The following ADAMTSL1 variants were observed in gnomAD, a reference collection of about 807,000 sequenced individuals.
ADAMTSL1 encodes the protein ADAMTS-like protein 1.
In ADAMTSL1, 126 loss-of-function variants were observed where a neutral mutation model predicts 201.8. The observed-to-expected ratio is 0.62, with a 90% CI of 0.54 to 0.72. The LOEUF (loss-of-function observed/expected upper bound fraction) is 0.72, where lower values mean the gene tolerates loss of function less well. ADAMTSL1 is among the 30% of genes least tolerant of loss of function. ADAMTSL1 has a pLI of 0.00. For missense variants in ADAMTSL1, 2,679 were observed against 2,277.8 expected, an observed-to-expected ratio of 1.18 and a Z score of -3.59; for synonymous variants, 1,121 against 903.4, an observed-to-expected ratio of 1.24 and a Z score of -4.32.
rs999782210 is a variant in ADAMTSL1, at chr9:18,684,949, T to G, written c.1574+149T>G. ...GGCTCTCAAATTAAAGATTGATTAGTTTCAAAAAGTGTTTGTCAAAGCTGA... is the reference window on the plus strand; with the variant it reads ...GGCTCTCAAATTAAAGATTGATTAGGTTCAAAAAGTGTTTGTCAAAGCTGA... On this transcript the variant is annotated intron_variant, in intron 13 of 28. Transcript: ENST00000380548. 5.0e-6 allele frequency: 7 copies of G among 1,396,784 alleles called. No individual in the cohort carries two copies. The African/African-American group carries it at 1.0e-4, about 20-fold the overall frequency. 86.5% of individuals were successfully genotyped at this position (1,396,784 alleles called of 1,614,324 possible).
intron 1 of ADAMTSL1, among the ~76,000 whole-genome samples, chr9:18,069,804 G>A (rs1415156682): frequency 6.6e-6 from 1 of 152,198 alleles, no homozygotes; most frequent in East Asian, 1.9e-4. Flanking sequence ...AGATCAGGAG[G>A]TCTCTAAACT....
rs1297584488 is a variant in ADAMTSL1, at chr9:18,574,123, G to A, written c.331G>A (p.Val111Met). 1 of 1,614,114 alleles carries A rather than the reference G, an allele frequency of 6.2e-7. No homozygotes were observed. Among genetic ancestry groups the A allele is most frequent in the Admixed American group, 1.7e-5 (1 of 60,018 alleles). Reference sequence around the variant, plus strand: ...TGGCCAGTTTTATGAATGGCTTCCTGTGTCTAATGACCCTGACAACCCATG... The same window carrying A: ...TGGCCAGTTTTATGAATGGCTTCCTATGTCTAATGACCCTGACAACCCATG... ...HHGQFYEWLP[V>M]SNDPDNPCSL... Residue 111 changes from valine to methionine, a missense_variant, in exon 4 of 29, where the codon GTG becomes ATG. By Grantham distance (21) the Val-to-Met change is conservative. Coordinates refer to ENST00000380548, the MANE Select transcript of ADAMTSL1 (RefSeq NM_001040272.6).
intron 1 of ADAMTSL1, among the ~76,000 whole-genome samples, chr9:17,918,260 A>T (rs1356870621): frequency 1.3e-5 from 2 of 151,488 alleles, no homozygotes; most frequent in Admixed American, 1.3e-4. Context: ...GGTATTTTGG[A>T]TTCTCAAACA....
intron 1 of ADAMTSL1, among the ~76,000 whole-genome samples, chr9:18,012,607 G>C (rs1446692421): frequency 3.3e-5 from 5 of 152,050 alleles, no homozygotes; most frequent in African/African-American, 9.7e-5. Context: ...AGATTTGTGT[G>C]AGAATGCTGA....
At chr9:18,718,825 C>G (rs1395533576) in intron 14 of ADAMTSL1, among the ~76,000 whole-genome samples, 1 of 152,264 alleles carries the variant, frequency 6.6e-6, no homozygotes, top group African/African-American at 2.4e-5. Flanking sequence ...CGGTCACTTC[C>G]TGCCTCAGGA....
At chr9:17,975,874 A>G (rs997708602) in intron 1 of ADAMTSL1, among the ~76,000 whole-genome samples, 24 of 151,960 alleles carry the variant, frequency 1.6e-4, no homozygotes, top group African/African-American at 5.8e-4. Flanking sequence ...TTAACTGTTT[A>G]TCTATTTAGA....
At chr9:18,689,033 A>T (rs905784040) in intron 13 of ADAMTSL1, among the ~76,000 whole-genome samples, 8 of 152,016 alleles carry the variant, frequency 5.3e-5, no homozygotes, top group Admixed American at 5.2e-4. Context: ...TGCCAGATTG[A>T]GCCCATCTGG....
At chr9:18,895,807 A>C (rs751321588) in intron 26 of ADAMTSL1, among the ~76,000 whole-genome samples, 1 of 152,222 alleles carries the variant, frequency 6.6e-6, no homozygotes, top group Non-Finnish European at 1.5e-5. Flanking sequence ...CAAATGCCCA[A>C]TTTTCAGCAA....
Position 18,029,000 on chromosome 9 carries a change from G to A in ADAMTSL1, c.87+122078G>A, listed in dbSNP as rs949539448. Among the ~76,000 whole-genome samples, 15 of 152,194 alleles carry A rather than the reference G, an allele frequency of 9.9e-5. 1 individual carries two copies. Among genetic ancestry groups the A allele is most frequent in the Admixed American group, 2.0e-4 (3 of 15,270 alleles). On this transcript the variant is annotated intron_variant, in intron 1 of 29. Transcript: ENST00000680146. Reference sequence around the variant, plus strand: ...ACATCCCTTGTAAGATGGATTCCTAGGTATTTTATTCTCTTTGAAGCAATT... The same window carrying A: ...ACATCCCTTGTAAGATGGATTCCTAAGTATTTTATTCTCTTTGAAGCAATT...
intron 2 of ADAMTSL1, among the ~76,000 whole-genome samples, chr9:18,285,885 T>C (rs1832973100): frequency 6.6e-6 from 1 of 152,210 alleles, no homozygotes; most frequent in Non-Finnish European, 1.5e-5. Flanking sequence ...ATTTAAAGTG[T>C]GCAATTGACT....
intron 20 of ADAMTSL1, among the ~76,000 whole-genome samples, chr9:18,799,956 T>C (rs1418233811): frequency 6.6e-6 from 1 of 152,230 alleles, no homozygotes; most frequent in Non-Finnish European, 1.5e-5. Context: ...TTAGCATTTC[T>C]GAATTTTTCA....
intron 14 of ADAMTSL1, among the ~76,000 whole-genome samples, chr9:18,709,282 C>G (rs780181809): frequency 2.6e-5 from 4 of 152,074 alleles, no homozygotes; most frequent in Non-Finnish European, 5.9e-5. Context: ...AGTCTTTGTT[C>G]GACAGTAACA....
At chr9:18,182,177 T>C (rs1828515903) in intron 2 of ADAMTSL1, among the ~76,000 whole-genome samples, 2 of 150,166 alleles carry the variant, frequency 1.3e-5, no homozygotes, top group Admixed American at 6.7e-5. Flanking sequence ...TTGGGAGATA[T>C]ACGTAATGCT....
chr9:18,167,718 C>G (rs1445484315), intron 2 of ADAMTSL1, among the ~76,000 whole-genome samples: 1 of 151,910 alleles, frequency 6.6e-6, no homozygotes, highest in East Asian at 1.9e-4. Flanking sequence ...TTGAGGGACT[C>G]ACCAACCTCC....
intron 2 of ADAMTSL1, among the ~76,000 whole-genome samples, chr9:18,413,204 A>G (rs1238225365): frequency 6.9e-6 from 1 of 145,844 alleles, no homozygotes; most frequent in Non-Finnish European, 1.5e-5. Context: ...TCTGAAGTGC[A>G]GTGGCGCAAT....
At chr9:17,974,580 C>T (rs925540102) in intron 1 of ADAMTSL1, among the ~76,000 whole-genome samples, 2 of 151,954 alleles carry the variant, frequency 1.3e-5, no homozygotes, top group Non-Finnish European at 2.9e-5. Context: ...ATGAGTTTGA[C>T]TTATTTAGAC....
intron 13 of ADAMTSL1, among the ~76,000 whole-genome samples, chr9:18,695,162 G>A (rs963940056): frequency 2.6e-5 from 4 of 152,216 alleles, no homozygotes; most frequent in Non-Finnish European, 4.4e-5. Flanking sequence ...TCCCTCCTAG[G>A]CCTCCAGGCC....
chr9:18,185,337 A>G (rs1828687907), intron 2 of ADAMTSL1, among the ~76,000 whole-genome samples: 1 of 152,188 alleles, frequency 6.6e-6, no homozygotes, highest in Non-Finnish European at 1.5e-5. Context: ...GCCACAGGCC[A>G]TGAATTCTTC....
At position 18,887,858 on chromosome 9, in the gene ADAMTSL1, C is replaced by A. The variant is rs1352565402; in HGVS notation, c.4277C>A (p.Pro1426His). Residue 1426 changes from proline (P) to histidine (H), a missense_variant, in exon 24 of 29, where the codon CCT (proline) becomes CAT (histidine). Transcript: ENST00000380548. ...TGCCCCATCAAAGGTCACCCTGTCC[C>A]TAATATCACCTGGTTTCATGGTGGT... is the stretch of plus-strand genomic sequence containing the variant. Reference protein sequence around the residue: ...LGCPIKGHPVPNITWFHGGQP... With the variant: ...LGCPIKGHPVHNITWFHGGQP... 1 of 1,613,806 alleles carries A rather than the reference C, an allele frequency of 6.2e-7. No homozygotes were observed. Among genetic ancestry groups the A allele is most frequent in the Non-Finnish European group, 8.5e-7 (1 of 1,179,890 alleles).
Sources: gnomAD v4.1 joint callset for allele counts (sites outside exome capture counted in the v4.1 genomes callset) on GRCh38, gnomAD v4.1.1 for gene constraint, MANE v1.5 for transcripts, NCBI Gene and HGNC (gene_info 2026-07-23, HGNC 2026-07-21) for gene names.